DRGX: variants seen among roughly 807,000 people sequenced by gnomAD.
DRGX encodes dorsal root ganglia homeobox protein.
Under a neutral mutation model 28.6 loss-of-function variants are expected in DRGX, and 21 were observed. The observed-to-expected ratio is 0.73, with a 90% CI of 0.52 to 1.06. The LOEUF is 1.06. Among genes scored for constraint, DRGX ranks in the 50% least tolerant of loss-of-function variants. DRGX has a pLI of 0.00. For synonymous variants in DRGX, 136 were observed against 139.1 expected, an observed-to-expected ratio of 0.98 and a Z score of 0.16; for missense variants, 354 against 343.9, an observed-to-expected ratio of 1.03 and a Z score of -0.23.
intron 6 of DRGX, among the ~76,000 whole-genome samples, chr10:49,380,121 C>T (rs190574699): frequency 6.6e-6 from 1 of 152,354 alleles, no homozygotes; most frequent in African/African-American, 2.4e-5. Flanking sequence ...GGAAGGTCAG[C>T]TATGGTGCCG....
intron 4 of DRGX, among the ~76,000 whole-genome samples, chr10:49,389,147 C>T (rs2132484863): frequency 6.6e-6 from 1 of 152,114 alleles, no homozygotes; most frequent in East Asian, 1.9e-4. Context: ...TTTAATTTGC[C>T]CGCATATGAC....
In DRGX at chr10:49,366,248, G is replaced by A. The variant is rs950281554; in HGVS notation, c.660C>T (p.Val220=). The A allele has an allele frequency of 3.7e-6, 6 of 1,613,870 alleles. No homozygotes were observed. The African/African-American group carries it at 8.0e-5, about 22-fold the overall frequency. ...RMKAREHSEA[V]LQSANLLPST... Reference sequence around the variant, plus strand: ...AAGGCAGGAGGTTGGCTGACTGCAGGACAGCTTCTGAGTGCTCGCGGGCCT... The same window carrying A: ...AAGGCAGGAGGTTGGCTGACTGCAGAACAGCTTCTGAGTGCTCGCGGGCCT... The change falls in exon 7 of 7, where the codon GTC becomes GTT. Residue 220 remains valine (V), a synonymous_variant. Transcript: ENST00000374139.
chr10:49,365,944 A>T lies in DRGX; in HGVS notation c.*172T>A. The T allele has an allele frequency of 1.4e-6, 1 of 707,472 alleles. No individual in the cohort carries two copies. Among genetic ancestry groups the T allele is most frequent in the South Asian group, 3.2e-5 (1 of 31,292 alleles). The allele number at this position is 707,472 out of a possible 1,614,324, so 43.8% of individuals were successfully genotyped here. A position where few individuals can be genotyped will look rare whatever the true frequency, so the allele number is the denominator to read the frequency against. ...CACTGCCGCACTGGTGGGACTCCAG[A>T]GGGACGCTCCAGGTGCCAAGGGAGC... is the stretch of plus-strand genomic sequence containing the variant. On this transcript the variant is annotated 3_prime_UTR_variant, in exon 7 of 7. Coordinates refer to ENST00000374139, the MANE Select transcript of DRGX (RefSeq NM_001276451.2).
At chr10:49,373,169 A>C (rs964859450) in intron 6 of DRGX, among the ~76,000 whole-genome samples, 1 of 152,224 alleles carries the variant, frequency 6.6e-6, no homozygotes, top group Non-Finnish European at 1.5e-5. Context: ...CCTTGTGCAC[A>C]TATAGCAGCA....
intron 6 of DRGX, among the ~76,000 whole-genome samples, chr10:49,385,764 G>A (rs899512943): frequency 9.2e-5 from 14 of 151,432 alleles, no homozygotes; most frequent in Admixed American, 2.0e-4. Flanking sequence ...TGTGACAAAC[G>A]AGCCCCCTAA....
intron 6 of DRGX, among the ~76,000 whole-genome samples, chr10:49,381,030 G>A (rs538236030): frequency 5.3e-5 from 8 of 152,330 alleles, no homozygotes; most frequent in East Asian, 1.9e-4. Flanking sequence ...AGTACAGAGC[G>A]TTTCAGTGAT....
rs770302415 is a variant in DRGX, at chr10:49,366,300, G to C, written c.608C>G (p.Thr203Arg). 13 of 1,613,808 alleles carry C rather than the reference G, an allele frequency of 8.1e-6. No homozygotes were observed. The highest frequency in any genetic ancestry group is 1.1e-5 in the Non-Finnish European group (13 of 1,179,860). Residue 203 changes from threonine (T) to arginine (R), a missense_variant, in exon 7 of 7, where the codon ACG (threonine) becomes AGG (arginine). Physicochemically the swap from Thr to Arg is moderately conservative, Grantham distance 71. Transcript: ENST00000374139. Reference sequence around the variant, plus strand: ...CATGCGCAGGGTGGCCACGCTGGCCGTGCGGTTACTCTGGCAGCCATAGGT... The same window carrying C: ...CATGCGCAGGGTGGCCACGCTGGCCCTGCGGTTACTCTGGCAGCCATAGGT... Reference protein sequence around the residue: ...LPTYGCQSNRTASVATLRMKA... With the variant: ...LPTYGCQSNRRASVATLRMKA...
intron 6 of DRGX, among the ~76,000 whole-genome samples, chr10:49,378,066 A>T (rs546431123): frequency 6.6e-6 from 1 of 152,366 alleles, no homozygotes; most frequent in South Asian, 2.1e-4. Context: ...ATTTAAAAAA[A>T]GAATCAATAT....
intron 6 of DRGX, among the ~76,000 whole-genome samples, chr10:49,369,692 C>T (rs181170063): frequency 2.6e-5 from 4 of 152,174 alleles, no homozygotes; most frequent in East Asian, 1.9e-4. Flanking sequence ...GTGCTTAATA[C>T]GACTGACTCA....
At chr10:49,387,673 AAAAAGACAGAAAG>A (rs1172780492) in intron 4 of DRGX, among the ~76,000 whole-genome samples, 175 of 151,916 alleles carry the variant, frequency 1.2e-3, no homozygotes, top group African/African-American at 2.1e-3. Flanking sequence ...AAAAAAAAAA[AAAAAGACAGAAAG>A]AAAAGACAGA....
intron 4 of DRGX, among the ~76,000 whole-genome samples, chr10:49,389,906 G>A (rs945398537): frequency 6.6e-6 from 1 of 150,886 alleles, no homozygotes; most frequent in African/African-American, 2.4e-5. Context: ...CCTTAGAGAC[G>A]CGGACAAATT....
intron 6 of DRGX, among the ~76,000 whole-genome samples, chr10:49,378,353 A>G (rs919237131): frequency 4.6e-5 from 7 of 152,362 alleles, no homozygotes; most frequent in African/African-American, 1.7e-4. Context: ...GCACGATTCC[A>G]TTCACATGAG....
At chr10:49,392,473 T>C (rs1027991260) in intron 2 of DRGX, among the ~76,000 whole-genome samples, 1 of 152,248 alleles carries the variant, frequency 6.6e-6, no homozygotes, top group Non-Finnish European at 1.5e-5. Flanking sequence ...TCTCTCCAGC[T>C]CATTGGAAAC....
intron 6 of DRGX, among the ~76,000 whole-genome samples, chr10:49,372,686 C>T (rs1419789510): frequency 2.0e-5 from 3 of 152,202 alleles, no homozygotes; most frequent in Non-Finnish European, 4.4e-5. Context: ...GGACACGAGA[C>T]CTGCAACAGT....
chr10:49,391,398 C>T lies in DRGX; in HGVS notation c.35-137G>A, dbSNP rs1008924005. 2.3e-5 allele frequency: 16 copies of T among 690,320 alleles called. No individual in the cohort carries two copies. The African/African-American group carries it at 2.9e-4, about 12-fold the overall frequency. 42.8% of individuals were successfully genotyped at this position (690,320 alleles called of 1,614,324 possible). A position where few individuals can be genotyped will look rare whatever the true frequency, so the allele number is the denominator to read the frequency against. On this transcript the variant is annotated intron_variant, in intron 2 of 6. Coordinates refer to ENST00000374139, the MANE Select transcript of DRGX (RefSeq NM_001276451.2). Reference sequence around the variant, plus strand: ...TGTCCCAAAGGATATTTTTCTGTTCCTCCTATTAAATCCTCCTCTTTTCCA... The same window carrying T: ...TGTCCCAAAGGATATTTTTCTGTTCTTCCTATTAAATCCTCCTCTTTTCCA...
chr10:49,394,619 G>T (rs1416716877), intron 2 of DRGX, among the ~76,000 whole-genome samples: 2 of 152,170 alleles, frequency 1.3e-5, no homozygotes, highest in African/African-American at 4.8e-5. Flanking sequence ...TGGATCCCTC[G>T]GGTCCTGAGC....
intron 6 of DRGX, among the ~76,000 whole-genome samples, chr10:49,383,573 T>C (rs1000887736): frequency 2.0e-5 from 3 of 152,212 alleles, no homozygotes; most frequent in African/African-American, 7.2e-5. Context: ...ATTTAAAAGA[T>C]GGAAATTGTT....
intron 6 of DRGX, among the ~76,000 whole-genome samples, chr10:49,371,027 G>GA (rs1293939584): frequency 6.6e-6 from 1 of 152,326 alleles, no homozygotes; most frequent in African/African-American, 2.4e-5. Context: ...GCAGTGGGGG[G>GA]ATAGGAACTA....
intron 6 of DRGX, among the ~76,000 whole-genome samples, chr10:49,380,664 A>G (rs1849765144): frequency 6.6e-6 from 1 of 152,234 alleles, no homozygotes; most frequent in Non-Finnish European, 1.5e-5. Context: ...GGGAGCCCCA[A>G]CCAGGAAATC....
Sources: gnomAD v4.1 joint callset for allele counts (sites outside exome capture counted in the v4.1 genomes callset) on GRCh38, gnomAD v4.1.1 for gene constraint, MANE v1.5 for transcripts, NCBI Gene and HGNC (gene_info 2026-07-23, HGNC 2026-07-21) for gene names.